The following PPIP5K2 variants were observed in gnomAD, a reference collection of about 807,000 sequenced individuals.
PPIP5K2 encodes the protein inositol hexakisphosphate and diphosphoinositol-pentakisphosphate kinase 2.
Under a neutral mutation model 154.6 loss-of-function variants are expected in PPIP5K2, and 105 were observed. That is an observed-to-expected ratio of 0.68 (90% CI 0.58 to 0.80). The LOEUF (loss-of-function observed/expected upper bound fraction) is 0.80, where lower values mean the gene tolerates loss of function less well. Among genes scored for constraint, PPIP5K2 ranks in the 30% least tolerant of loss-of-function variants. The pLI is 0.00. For synonymous variants in PPIP5K2, 480 were observed against 490.3 expected, an observed-to-expected ratio of 0.98 and a Z score of 0.28; for missense variants, 992 against 1,504.6, an observed-to-expected ratio of 0.66 and a Z score of 5.64.
chr5:103,169,478 C>G (rs963803733), intron 19 of PPIP5K2, among the ~76,000 whole-genome samples: 2 of 151,604 alleles, frequency 1.3e-5, no homozygotes, highest in African/African-American at 2.4e-5. Context: ...ACAGGAAAAC[C>G]TATAGATTTT....
At chr5:103,148,668 A>C (rs782641632) in intron 7 of PPIP5K2, among the ~76,000 whole-genome samples, 7 of 152,142 alleles carry the variant, frequency 4.6e-5, no homozygotes, top group Non-Finnish European at 8.8e-5. Flanking sequence ...CATTTCTTAC[A>C]GTATAAACTA....
intron 17 of PPIP5K2, among the ~76,000 whole-genome samples, chr5:103,161,214 G>T (rs1796183076): frequency 1.3e-5 from 2 of 151,182 alleles, no homozygotes; most frequent in African/African-American, 2.4e-5. Context: ...GCGGTGTTTG[G>T]TTTTTTGTCC....
intron 29 of PPIP5K2, among the ~76,000 whole-genome samples, chr5:103,193,775 A>AT: frequency 6.6e-6 from 1 of 152,132 alleles, no homozygotes; most frequent in East Asian, 1.9e-4. Flanking sequence ...ACTAGCCCAC[A>AT]TCTTGGTTTT....
At position 103,203,805 on chromosome 5, in the gene PPIP5K2, C is replaced by A. The variant is rs1362989797; in HGVS notation, c.*2171C>A. 1 of 152,172 alleles carries A rather than the reference C, an allele frequency of 6.6e-6. No homozygotes were observed. The highest frequency in any genetic ancestry group is 1.5e-5 in the Non-Finnish European group (1 of 68,038). The allele number at this position is 152,172 out of a possible 1,614,324, so 9.4% of individuals were successfully genotyped here. A position where few individuals can be genotyped will look rare whatever the true frequency, so the allele number is the denominator to read the frequency against. On this transcript the variant is annotated 3_prime_UTR_variant, in exon 31 of 31. Transcript: ENST00000358359. ...CTTAGCCCTTGAAGTCTAGTGCTGG[C>A]AGATTCTGCTGCCCTGGTTTAAATG...
At chr5:103,158,788 G>T (rs1219232170) in intron 16 of PPIP5K2, among the ~76,000 whole-genome samples, 1 of 151,972 alleles carries the variant, frequency 6.6e-6, no homozygotes. Flanking sequence ...AATTAGCCAG[G>T]TGTAGTGGTT....
chr5:103,153,905 A>G lies in PPIP5K2; in HGVS notation c.1188A>G (p.Gln396=). Residue 396 remains glutamine, a synonymous_variant, in exon 11 of 31, where the codon CAA becomes CAG. Transcript: ENST00000358359. ...VIRHGDRTPK[Q]KMKMEVRHQK... ...GTCATGGGGATCGAACACCAAAACA[A>G]AAAATGAAAATGGAAGTGAGACATC... The G allele has an allele frequency of 1.2e-6, 2 of 1,607,818 alleles. No individual in the cohort carries two copies. Among genetic ancestry groups the G allele is most frequent in the African/African-American group, 2.7e-5 (2 of 74,780 alleles).
chr5:103,180,437 G>T (rs1185134578), intron 24 of PPIP5K2, among the ~76,000 whole-genome samples: 1 of 151,906 alleles, frequency 6.6e-6, no homozygotes, highest in Non-Finnish European at 1.5e-5. Flanking sequence ...GCTGTTTCTA[G>T]GAACTTGAAA....
chr5:103,148,159 T>C (rs1554209881), intron 7 of PPIP5K2, 127 bp downstream of exon 7: 1 of 740,730 alleles, frequency 1.4e-6, no homozygotes. Flanking sequence ...TAGGGATTCC[T>C]CATGTTTTGT....
chr5:103,177,613 A>C (rs1798912371), intron 21 of PPIP5K2, 54 bp from the exon 22 acceptor site: 1 of 1,212,268 alleles, frequency 8.2e-7, no homozygotes, highest in Non-Finnish European at 1.2e-6. Flanking sequence ...CAATAAAGTG[A>C]CTTTCAAGTA....
intron 1 of PPIP5K2, among the ~76,000 whole-genome samples, chr5:103,127,676 G>T (rs561172752): frequency 3.3e-4 from 50 of 152,220 alleles, no homozygotes; most frequent in Admixed American, 2.8e-3. Context: ...TCTTTACAGG[G>T]TTACAGGGTG....
chr5:103,200,882 C>T (rs1235399306), intron 30 of PPIP5K2, among the ~76,000 whole-genome samples: 3 of 152,158 alleles, frequency 2.0e-5, no homozygotes, highest in Middle Eastern at 3.4e-3. Flanking sequence ...AAGCGATCCT[C>T]CCACGTTGGC....
chr5:103,146,451 T>C, intron 5 of PPIP5K2, 76 bp from the exon 6 acceptor site: 1 of 1,417,464 alleles, frequency 7.1e-7, no homozygotes, highest in Non-Finnish European at 9.4e-7. Context: ...AGTGAAAAAG[T>C]CCTCGATAAT....
intron 1 of PPIP5K2, among the ~76,000 whole-genome samples, chr5:103,124,745 G>A (rs2149433360): frequency 6.6e-6 from 1 of 152,272 alleles, no homozygotes; most frequent in South Asian, 2.1e-4. Context: ...AGTGCTACTG[G>A]AAGCAACTGG....
Position 103,154,730 on chromosome 5 carries a change from A to G in PPIP5K2, c.1278A>G (p.Lys426=). 6.3e-7 allele frequency: 1 copy of G among 1,588,284 alleles called. No homozygotes were observed. The highest frequency in any genetic ancestry group is 8.6e-7 in the Non-Finnish European group (1 of 1,166,034). Residue 426 remains lysine (K), a synonymous_variant, in exon 12 of 31, where the codon AAA becomes AAG. Transcript: ENST00000358359. ...AATCAGGGAAATTAAAACTCAAAAA[A>G]CCAAAACAGTTACAGGCAAGTGTAT... is the stretch of plus-strand genomic sequence containing the variant. ...GYKSGKLKLK[K]PKQLQEVLDI...
intron 16 of PPIP5K2, 45 bp from the exon 17 acceptor site, chr5:103,159,101 G>T: frequency 1.6e-6 from 2 of 1,285,112 alleles, no homozygotes; most frequent in Non-Finnish European, 2.1e-6. Flanking sequence ...ATTATTTTAC[G>T]TATTAATTTT....
chr5:103,156,083 T>C (rs1433420684), intron 14 of PPIP5K2, 89 bp downstream of exon 14: 11 of 842,234 alleles, frequency 1.3e-5, no homozygotes, highest in African/African-American at 8.6e-5. Context: ...TTTTGCTTAG[T>C]AGTTTAGGGA....
rs189197424 is a variant in PPIP5K2, at chr5:103,202,743, T to C, written c.*1109T>C. On this transcript the variant is annotated 3_prime_UTR_variant, in exon 31 of 31. Transcript: ENST00000358359. ...TTCCCCCCCACCAATGCACAAATAA[T>C]TGTGAACAGCTTGAAATGACTTAAA... is the stretch of plus-strand genomic sequence containing the variant. 3.4e-4 allele frequency: 52 copies of C among 152,232 alleles called. No individual in the cohort carries two copies. Among genetic ancestry groups the C allele is most frequent in the Middle Eastern group, 6.8e-3 (2 of 294 alleles). The allele number at this position is 152,232 out of a possible 1,614,324, so 9.4% of individuals were successfully genotyped here. A position where few individuals can be genotyped will look rare whatever the true frequency, so the allele number is the denominator to read the frequency against.
At chr5:103,172,901 A>G (rs922955531) in intron 19 of PPIP5K2, among the ~76,000 whole-genome samples, 3 of 151,886 alleles carry the variant, frequency 2.0e-5, no homozygotes, top group Non-Finnish European at 4.4e-5. Flanking sequence ...CATAAAAATT[A>G]CATTCACCCA....
chr5:103,210,910 A>T lies in PPIP5K2; in HGVS notation c.*9276A>T, dbSNP rs113023222. ...TTTTGTGTTAGCCTAAATAAAATGA[A>T]ATACAGTTATGGAAATATTTCTGCT... On this transcript the variant is annotated 3_prime_UTR_variant, in exon 31 of 31. Transcript: ENST00000358359. 7.9e-4 allele frequency: 120 copies of T among 152,268 alleles called. No homozygotes were observed. The highest frequency in any genetic ancestry group is 2.8e-3 in the African/African-American group (116 of 41,560). The allele number at this position is 152,268 out of a possible 1,614,324, so 9.4% of individuals were successfully genotyped here.
Sources: gnomAD v4.1 joint callset for allele counts (sites outside exome capture counted in the v4.1 genomes callset) on GRCh38, gnomAD v4.1.1 for gene constraint, MANE v1.5 for transcripts, NCBI Gene and HGNC (gene_info 2026-07-23, HGNC 2026-07-21) for gene names.